The following UST variants were observed in gnomAD, a reference collection of about 807,000 sequenced individuals.
UST encodes the protein uronyl 2-sulfotransferase.
UST carries 21 observed loss-of-function variants against 45.6 expected under a neutral mutation model. The ratio of observed to expected loss-of-function variants is 0.46; its 90% CI spans 0.33 to 0.66. The LOEUF (loss-of-function observed/expected upper bound fraction) is 0.66. Among genes scored for constraint, UST ranks in the 30% least tolerant of loss-of-function variants. UST has a pLI of 0.02. For synonymous variants in UST, 215 were observed against 200.6 expected, an observed-to-expected ratio of 1.07 and a Z score of -0.61; for missense variants, 463 against 512.4, an observed-to-expected ratio of 0.90 and a Z score of 0.93.
intron 5 of UST, among the ~76,000 whole-genome samples, chr6:148,986,303 A>G (rs1320878528): frequency 6.6e-6 from 1 of 152,166 alleles, no homozygotes; most frequent in African/African-American, 2.4e-5. Flanking sequence ...GCATCCCCCT[A>G]AGATTGGTAT....
At chr6:148,974,336 G>A (rs897829315) in intron 5 of UST, among the ~76,000 whole-genome samples, 4 of 151,332 alleles carry the variant, frequency 2.6e-5, no homozygotes, top group African/African-American at 9.7e-5. Context: ...AAAAATACCC[G>A]AACAAGTTAT....
chr6:148,955,491 C>A (rs898238852), intron 4 of UST: 2 of 152,242 alleles, frequency 1.3e-5, no homozygotes, highest in African/African-American at 4.8e-5. Flanking sequence ...AGGACTCCTG[C>A]AAATTTTCCA....
intron 1 of UST, among the ~76,000 whole-genome samples, chr6:148,816,323 T>G (rs1777354494): frequency 6.6e-6 from 1 of 152,162 alleles, no homozygotes; most frequent in African/African-American, 2.4e-5. Flanking sequence ...AGGAGAAATA[T>G]GACTAGACAC....
intron 5 of UST, among the ~76,000 whole-genome samples, chr6:148,967,768 T>C (rs1205945136): frequency 6.6e-6 from 1 of 152,208 alleles, no homozygotes; most frequent in East Asian, 1.9e-4. Flanking sequence ...TCATTCCAGA[T>C]CTCAGTGCTC....
chr6:148,801,151 T>C (rs894917221), intron 1 of UST, among the ~76,000 whole-genome samples: 1 of 152,170 alleles, frequency 6.6e-6, no homozygotes, highest in Admixed American at 6.5e-5. Context: ...TTTGAGAACA[T>C]GAGGATCTAG....
At chr6:148,813,639 C>T (rs1182037112) in intron 1 of UST, among the ~76,000 whole-genome samples, 1 of 152,172 alleles carries the variant, frequency 6.6e-6, no homozygotes, top group Non-Finnish European at 1.5e-5. Context: ...CTTGGCCTCC[C>T]AAAGTGCTGG....
chr6:149,058,001 A>G (rs58982760), intron 7 of UST, among the ~76,000 whole-genome samples: 5,762 of 152,290 alleles, frequency 0.038, 373 homozygotes, highest in African/African-American at 0.13. Flanking sequence ...TGTACATAGT[A>G]TGTTTATATG....
In UST at chr6:148,969,592, CA is replaced by C. The variant is rs1780872971; in HGVS notation, c.681+5033del. On this transcript the variant is annotated intron_variant, in intron 5 of 7. Transcript: ENST00000367463. The stretch of plus-strand genomic sequence containing the variant: ...AAGTGCTTTGGAAGCTAAAACTCTC[CA>C]AAACACATTTCAGTATTGATGCTCC... 2.6e-5 allele frequency among the ~76,000 whole-genome samples: 4 copies of C among 152,132 alleles called. No individual in the cohort carries two copies. In the South Asian group the frequency reaches 8.3e-4, roughly 32 times the overall value.
At chr6:148,918,528 C>G (rs570204627) in intron 2 of UST, among the ~76,000 whole-genome samples, 1 of 152,220 alleles carries the variant, frequency 6.6e-6, no homozygotes, top group East Asian at 1.9e-4. Flanking sequence ...TTTTATAGGG[C>G]CATCATCTTT....
At chr6:148,856,516 C>G (rs1778208485) in intron 1 of UST, among the ~76,000 whole-genome samples, 1 of 152,184 alleles carries the variant, frequency 6.6e-6, no homozygotes, top group Non-Finnish European at 1.5e-5. Context: ...AGAGGTGCCA[C>G]CAACCTAGCA....
intron 3 of UST, among the ~76,000 whole-genome samples, chr6:148,943,131 C>G (rs921198713): frequency 9.9e-5 from 15 of 151,934 alleles, no homozygotes; most frequent in African/African-American, 3.6e-4. Context: ...TAAATAAATA[C>G]ATTATTGCAA....
At chr6:149,058,776 A>C (rs916587527) in intron 7 of UST, among the ~76,000 whole-genome samples, 2 of 152,196 alleles carry the variant, frequency 1.3e-5, no homozygotes, top group African/African-American at 4.8e-5. Flanking sequence ...TTTTTTTTAG[A>C]AGTAGATATT....
At chr6:148,895,603 G>A (rs1297533058) in intron 2 of UST, among the ~76,000 whole-genome samples, 2 of 152,324 alleles carry the variant, frequency 1.3e-5, no homozygotes, top group Admixed American at 1.3e-4. Flanking sequence ...GGTAGCCAGT[G>A]GGAGATAATC....
rs191929877 is a variant in UST at position 148,799,051 on chromosome 6, G to A, written c.247+51374G>A. Among the ~76,000 whole-genome samples, 104 of 152,062 alleles carry A rather than the reference G, an allele frequency of 6.8e-4. 1 individual carries two copies. The highest frequency in any genetic ancestry group is 1.9e-3 in the African/African-American group (77 of 41,488). On this transcript the variant is annotated intron_variant, in intron 1 of 7. Transcript: ENST00000367463. Reference sequence around the variant, plus strand: ...TGCCCGGCTAATTTTTGTATTTTTCGTACAGACGGGGTTTTGCCATGTCAG... The same window carrying A: ...TGCCCGGCTAATTTTTGTATTTTTCATACAGACGGGGTTTTGCCATGTCAG...
chr6:148,930,385 T>G (rs1214629799), intron 2 of UST, among the ~76,000 whole-genome samples: 2 of 152,212 alleles, frequency 1.3e-5, no homozygotes, highest in Non-Finnish European at 2.9e-5. Context: ...ATGTGGCCCC[T>G]GCAGTCATGG....
chr6:148,803,102 G>A (rs530066006), intron 1 of UST, among the ~76,000 whole-genome samples: 2 of 152,214 alleles, frequency 1.3e-5, no homozygotes, highest in South Asian at 2.1e-4. Flanking sequence ...TGATTTTAGA[G>A]TCTGTGGAAT....
chr6:148,833,426 G>T (rs763464794), intron 1 of UST, among the ~76,000 whole-genome samples: 4 of 152,196 alleles, frequency 2.6e-5, no homozygotes, highest in Non-Finnish European at 5.9e-5. Flanking sequence ...GGCAGAGCTT[G>T]CAGTGACCTG....
intron 6 of UST, among the ~76,000 whole-genome samples, chr6:149,019,570 C>T (rs1775950545): frequency 6.6e-6 from 1 of 152,138 alleles, no homozygotes; most frequent in Non-Finnish European, 1.5e-5. Context: ...CAAAATGTCA[C>T]ATAAAATGTG....
At chr6:148,956,421 A>G (rs763381669) in intron 4 of UST, among the ~76,000 whole-genome samples, 1 of 152,152 alleles carries the variant, frequency 6.6e-6, no homozygotes, top group African/African-American at 2.4e-5. Context: ...CCCTGATAAA[A>G]CCATCATATC....
Sources: gnomAD v4.1 joint callset for allele counts (sites outside exome capture counted in the v4.1 genomes callset) on GRCh38, gnomAD v4.1.1 for gene constraint, MANE v1.5 for transcripts, NCBI Gene and HGNC (gene_info 2026-07-23, HGNC 2026-07-21) for gene names.